Variants in PON1 observed in about 807,000 individuals in gnomAD.
The protein encoded by PON1 is paraoxonase 1, also known as serum paraoxonase/arylesterase 1.
In PON1, 37 loss-of-function variants were observed where a neutral mutation model predicts 39.2. The ratio of observed to expected loss-of-function variants is 0.94; its 90% CI spans 0.73 to 1.24. The LOEUF is 1.24. Ranked by LOEUF, PON1 falls within the 50% of genes most tolerant of loss-of-function variation. PON1 has a pLI of 0.00. For missense variants in PON1, 397 were observed against 413.5 expected (o/e 0.96, Z 0.35); for synonymous variants, 148 against 152.2 (o/e 0.97, Z 0.21).
intron 7 of PON1, 142 bp from the exon 8 acceptor site, chr7:95,302,475 A>G: frequency 1.4e-6 from 1 of 712,234 alleles, no homozygotes; most frequent in Non-Finnish European, 2.3e-6. Context: ...CCCCATTTCA[A>G]TAAGACTCAC....
intron 4 of PON1, among the ~76,000 whole-genome samples, chr7:95,314,863 G>A (rs1807731217): frequency 7.1e-6 from 1 of 140,244 alleles, no homozygotes; most frequent in South Asian, 2.3e-4. Context: ...TTTGAACACA[G>A]AACAGAGGAA....
chr7:95,317,863 A>T (rs919335041), intron 2 of PON1, among the ~76,000 whole-genome samples: 1 of 152,142 alleles, frequency 6.6e-6, no homozygotes, highest in South Asian at 2.1e-4. Flanking sequence ...TCTAAGGGGA[A>T]ATCTGCTGAG....
intron 7 of PON1, among the ~76,000 whole-genome samples, chr7:95,304,871 G>T (rs1218740752): frequency 1.3e-5 from 2 of 152,154 alleles, no homozygotes; most frequent in South Asian, 2.1e-4. Flanking sequence ...GCTGAAACTG[G>T]CCTTGCCCTC....
intron 4 of PON1, among the ~76,000 whole-genome samples, chr7:95,312,653 A>C (rs908909315): frequency 6.6e-6 from 1 of 152,244 alleles, no homozygotes; most frequent in Admixed American, 6.5e-5. Context: ...AATAATGTGG[A>C]TATCTAGGGA....
intron 7 of PON1, among the ~76,000 whole-genome samples, chr7:95,305,174 G>A (rs1807513476): frequency 6.6e-6 from 1 of 152,166 alleles, no homozygotes; most frequent in Admixed American, 6.5e-5. Context: ...TCTCAGATGT[G>A]CTGACAGGAA....
intron 7 of PON1, among the ~76,000 whole-genome samples, chr7:95,303,890 C>T (rs977611970): frequency 6.6e-6 from 1 of 152,092 alleles, no homozygotes; most frequent in African/African-American, 2.4e-5. Flanking sequence ...CAGGTTTTTG[C>T]GCATTGAGGT....
rs3917513 is a variant in PON1 at position 95,313,192 on chromosome 7, A to T, written c.371-1615T>A. On this transcript the variant is annotated intron_variant, in intron 4 of 8. Transcript: ENST00000222381. ...GGAAATCAAATTCAAGTGAGGATTAAAACCTGAATTCACATTTTGTGCAGT... is the reference window on the plus strand; with the variant it reads ...GGAAATCAAATTCAAGTGAGGATTATAACCTGAATTCACATTTTGTGCAGT... Among the ~76,000 whole-genome samples the T allele has an allele frequency of 6.2e-3, 938 of 152,358 alleles. 13 individuals carry two copies. The highest frequency in any genetic ancestry group is 0.022 in the African/African-American group (898 of 41,586).
At chr7:95,302,756 C>A (rs2116300368) in intron 7 of PON1, among the ~76,000 whole-genome samples, 1 of 152,198 alleles carries the variant, frequency 6.6e-6, no homozygotes, top group African/African-American at 2.4e-5. Flanking sequence ...AGAAGAATAT[C>A]AATGAAATGT....
At chr7:95,303,887 T>C (rs1807485322) in intron 7 of PON1, among the ~76,000 whole-genome samples, 1 of 152,230 alleles carries the variant, frequency 6.6e-6, no homozygotes, top group Admixed American at 6.5e-5. Flanking sequence ...TTCCAGGTTT[T>C]TGCGCATTGA....
At chr7:95,308,289 C>T in intron 5 of PON1, 78 bp from the exon 6 acceptor site, 2 of 1,327,176 alleles carry the variant, frequency 1.5e-6, no homozygotes, top group South Asian at 2.4e-5. Context: ...GCATTCCTCA[C>T]TGTCTATTCC....
intron 5 of PON1, 67 bp downstream of exon 5, chr7:95,311,384 A>G: frequency 1.3e-6 from 2 of 1,595,318 alleles, no homozygotes; most frequent in Non-Finnish European, 1.7e-6. Context: ...GCCAAAAGGA[A>G]AAACTAAAAG....
intron 3 of PON1, 84 bp from the exon 4 acceptor site, chr7:95,315,574 T>TG (rs1427031387): frequency 1.6e-5 from 23 of 1,414,366 alleles, no homozygotes; most frequent in Non-Finnish European, 2.3e-5. Flanking sequence ...CATGGGTTCA[T>TG]GTTGACTGCT....
intron 5 of PON1, among the ~76,000 whole-genome samples, chr7:95,308,455 A>G (rs895367434): frequency 1.3e-5 from 2 of 151,472 alleles, no homozygotes; most frequent in Non-Finnish European, 1.5e-5. Context: ...TATTATATGT[A>G]TCTTAAAATA....
Position 95,302,252 on chromosome 7 carries a change from C to T in PON1, c.862G>A (p.Gly288Ser), listed in dbSNP as rs746294408. ...GAGTCATAGAAGAAGATTTTCATGC[C>T]ATTGGGATGGCATCCAACCCAAAGG... ...GDLWVGCHPN[G>S]MKIFFYDSEN... The change falls in exon 8 of 9, where the codon GGC becomes AGC. Residue 288 changes from glycine to serine, a missense_variant. Physicochemically the swap from Gly to Ser is moderately conservative, Grantham distance 56 (BLOSUM62 0). Transcript: ENST00000222381. 25 of 1,612,630 alleles carry T rather than the reference C, an allele frequency of 1.6e-5. No individual in the cohort carries two copies. Among genetic ancestry groups the T allele is most frequent in the Non-Finnish European group, 2.1e-5 (25 of 1,178,840 alleles).
At position 95,315,427 on chromosome 7, in the gene PON1, C is replaced by A. The variant is rs1807745574; in HGVS notation, c.265G>T (p.Asp89Tyr). The A allele has an allele frequency of 1.9e-6, 3 of 1,613,866 alleles. No homozygotes were observed. Among genetic ancestry groups the A allele is most frequent in the Non-Finnish European group, 2.5e-6 (3 of 1,179,806 alleles). ...ACTGTTGGATCTTCTTCATTCAGGT[C>A]CATCAGAAGTATTTTTCCAGGACTG... ...PNSPGKILLM[D>Y]LNEEDPTVLE... Residue 89 changes from aspartate (D) to tyrosine (Y), a missense_variant, in exon 4 of 9, where the codon GAC becomes TAC. Asp to Tyr is a radical substitution (Grantham distance 160, BLOSUM62 -3). Transcript: ENST00000222381.
At chr7:95,303,332 CA>C (rs1395237250) in intron 7 of PON1, among the ~76,000 whole-genome samples, 3 of 144,326 alleles carry the variant, frequency 2.1e-5, no homozygotes, top group Non-Finnish European at 4.5e-5. Context: ...ACCCCAGAGA[CA>C]GGCAAGACAG....
intron 4 of PON1, 51 bp downstream of exon 4, chr7:95,315,271 G>T: frequency 6.8e-7 from 1 of 1,475,404 alleles, no homozygotes; most frequent in Non-Finnish European, 9.4e-7. Context: ...ATGTTTTTCT[G>T]TTTTTGTTTT....
chr7:95,311,888 C>A (rs149324088), intron 4 of PON1, among the ~76,000 whole-genome samples: 1 of 152,294 alleles, frequency 6.6e-6, no homozygotes, highest in East Asian at 1.9e-4. Flanking sequence ...ATGGTCTCCA[C>A]GAAATGCACA....
At chr7:95,318,568 G>A in intron 1 of PON1, 175 bp from the exon 2 acceptor site, 1 of 597,404 alleles carries the variant, frequency 1.7e-6, no homozygotes, top group Non-Finnish European at 3.0e-6. Flanking sequence ...GGGGAACTCT[G>A]GGTACAATAT....
Sources: gnomAD v4.1 joint callset for allele counts (sites outside exome capture counted in the v4.1 genomes callset) on GRCh38, gnomAD v4.1.1 for gene constraint, MANE v1.5 for transcripts, NCBI Gene and HGNC (gene_info 2026-07-23, HGNC 2026-07-21) for gene names.